The following DCP2 variants were observed in gnomAD, a reference collection of about 807,000 sequenced individuals.
The protein encoded by DCP2 is m7GpppN-mRNA hydrolase.
A neutral mutation model predicts 56.1 loss-of-function variants in DCP2; 30 were observed. The observed-to-expected ratio is 0.53, with a 90% CI of 0.40 to 0.73. The LOEUF (loss-of-function observed/expected upper bound fraction) is 0.73. Ranked by LOEUF, DCP2 falls within the 30% of genes least tolerant of loss-of-function variation. The probability of loss-of-function intolerance (pLI) is 0.00; values close to 1 mark genes in which losing one functional copy is unlikely to be tolerated. For synonymous variants in DCP2, 197 were observed against 163.3 expected, an observed-to-expected ratio of 1.21 and a Z score of -1.57; for missense variants, 533 against 502.7, an observed-to-expected ratio of 1.06 and a Z score of -0.58.
intron 8 of DCP2, among the ~76,000 whole-genome samples, chr5:113,005,145 C>CGTGTGGGT (rs1554101190): frequency 0.026 from 143 of 5,572 alleles, no homozygotes; most frequent in South Asian, 0.19. Context: ...AAAAAGTGTG[C>CGTGTGGGT]GTGTGGGTGT....
chr5:113,004,033 C>T lies in DCP2; in HGVS notation c.898C>T (p.Pro300Ser), dbSNP rs1237227755. ...VKHRQPLQQK[P>S]YNNHSEMSDL... ...GCACAGGCAACCACTGCAGCAAAAG[C>T]CATATAATAATCATTCTGAAATGTC... is the stretch of plus-strand genomic sequence containing the variant. Residue 300 changes from proline to serine, a missense_variant, in exon 8 of 11, where the codon CCA (proline) becomes TCA (serine). Coordinates refer to ENST00000389063, the MANE Select transcript of DCP2 (RefSeq NM_152624.6). 6.2e-7 allele frequency: 1 copy of T among 1,613,992 alleles called. No individual in the cohort carries two copies. The highest frequency in any genetic ancestry group is 1.7e-5 in the Admixed American group (1 of 60,024).
chr5:112,978,012 C>G (rs1053901863), intron 1 of DCP2, among the ~76,000 whole-genome samples: 1 of 151,816 alleles, frequency 6.6e-6, no homozygotes, highest in African/African-American at 2.4e-5. Context: ...GAGCCTCTTT[C>G]TTTTGCCCAG....
chr5:112,989,384 C>T (rs181943368), intron 2 of DCP2, among the ~76,000 whole-genome samples: 2 of 149,532 alleles, frequency 1.3e-5, no homozygotes, highest in African/African-American at 4.9e-5. Flanking sequence ...TTACTTGGCA[C>T]AGTGATCAAT....
chr5:112,992,350 T>C (rs1561691328), intron 3 of DCP2, 102 bp downstream of exon 3: 2 of 1,429,850 alleles, frequency 1.4e-6, no homozygotes, highest in African/African-American at 1.4e-5. Flanking sequence ...TTTTAAAATA[T>C]ACTTAGATTT....
chr5:112,997,030 C>T (rs556453735), intron 4 of DCP2, among the ~76,000 whole-genome samples: 1 of 152,324 alleles, frequency 6.6e-6, no homozygotes, highest in African/African-American at 2.4e-5. Flanking sequence ...TAGTTTTCTT[C>T]TAAAGGTTAA....
At position 113,001,473 on chromosome 5, in the gene DCP2, T is replaced by C. The variant is rs188694255; in HGVS notation, c.698+4T>C. 28 of 1,611,702 alleles carry C rather than the reference T, an allele frequency of 1.7e-5. No homozygotes were observed. Among genetic ancestry groups the C allele is most frequent in the Non-Finnish European group, 2.3e-5 (27 of 1,178,226 alleles). On this transcript the variant is annotated splice_donor_region_variant and intron_variant, in intron 6 of 10. Coordinates refer to ENST00000389063, the MANE Select transcript of DCP2 (RefSeq NM_152624.6). ...TTATGGCCATTCCCTTTATCAGGTG[T>C]GTTCATATTTCTTGAAATGTAACTT...
At chr5:112,983,334 AG>A (rs1367174476) in intron 1 of DCP2, among the ~76,000 whole-genome samples, 1 of 152,214 alleles carries the variant, frequency 6.6e-6, no homozygotes, top group Non-Finnish European at 1.5e-5. Context: ...TTAAAATTTC[AG>A]CATTTCAACA....
chr5:112,991,050 A>C (rs77752734), intron 2 of DCP2, among the ~76,000 whole-genome samples: 2 of 152,240 alleles, frequency 1.3e-5, no homozygotes, highest in East Asian at 3.9e-4. Context: ...ATTGTAATGC[A>C]TCATTTGTAG....
At chr5:112,997,941 AT>A (rs1748943647) in intron 4 of DCP2, among the ~76,000 whole-genome samples, 1 of 151,986 alleles carries the variant, frequency 6.6e-6, no homozygotes, top group South Asian at 2.1e-4. Flanking sequence ...AAAAAATTTT[AT>A]TTGTGGATTT....
At chr5:112,983,364 T>G (rs1748100159) in intron 1 of DCP2, among the ~76,000 whole-genome samples, 1 of 152,102 alleles carries the variant, frequency 6.6e-6, no homozygotes, top group Admixed American at 6.6e-5. Context: ...TGAGGAGAAC[T>G]GGGAAAAATG....
chr5:112,995,037 T>C (rs977580532), intron 4 of DCP2, among the ~76,000 whole-genome samples: 9 of 152,336 alleles, frequency 5.9e-5, no homozygotes, highest in African/African-American at 2.2e-4. Flanking sequence ...GGATAATAGT[T>C]AAAATTTTTA....
chr5:113,005,151 G>GGGGTGTGTGTGTGTGTGTGTGTGTGTGT (rs140772660), intron 8 of DCP2, among the ~76,000 whole-genome samples: 2 of 149,420 alleles, frequency 1.3e-5, no homozygotes, highest in African/African-American at 5.0e-5. Context: ...TGTGCGTGTG[G>GGGGTGTGTGTGTGTGTGTGTGTGTGTGT]GTGTGTGTGT....
chr5:112,983,847 C>T (rs542995776), intron 1 of DCP2: 10 of 152,286 alleles, frequency 6.6e-5, no homozygotes, highest in Non-Finnish European at 1.5e-4. Flanking sequence ...TTTGAAGATT[C>T]TGAAAGAAAA....
intron 4 of DCP2, among the ~76,000 whole-genome samples, chr5:112,995,835 C>T (rs1748821914): frequency 6.6e-6 from 1 of 152,284 alleles, no homozygotes; most frequent in African/African-American, 2.4e-5. Flanking sequence ...AACAAAATAT[C>T]ACAGATGGAG....
intron 1 of DCP2, among the ~76,000 whole-genome samples, chr5:112,979,893 AGTGT>A (rs887606062): frequency 6.6e-6 from 1 of 152,046 alleles, no homozygotes; most frequent in African/African-American, 2.4e-5. Flanking sequence ...CAAATTTTTA[AGTGT>A]GTGTGTGGGT....
chr5:113,010,802 A>C lies in DCP2; in HGVS notation c.1094A>C (p.Glu365Ala). The change falls in exon 10 of 11, where the codon GAA becomes GCA. Residue 365 changes from glutamate (E) to alanine (A), a missense_variant. Transcript: ENST00000389063. ...CCACGGAAACTTCAGGATAATTTTGAAACAGGCAAGTCATTTCCTATCTTT... is the reference window on the plus strand; with the variant it reads ...CCACGGAAACTTCAGGATAATTTTGCAACAGGCAAGTCATTTCCTATCTTT... ...LHPRKLQDNF[E>A]TDAVYDLPSS... 6.3e-7 allele frequency: 1 copy of C among 1,599,184 alleles called. No individual in the cohort carries two copies. Among genetic ancestry groups the C allele is most frequent in the Non-Finnish European group, 8.5e-7 (1 of 1,176,100 alleles).
Position 112,985,896 on chromosome 5 carries a change from A to G in DCP2, c.115A>G (p.Ile39Val), listed in dbSNP as rs929874682. The change falls in exon 2 of 11, where the codon ATT (isoleucine) becomes GTT (valine). Residue 39 changes from isoleucine to valine, a missense_variant. By Grantham distance (29) the Ile-to-Val change is conservative (BLOSUM62 3). Coordinates refer to ENST00000389063, the MANE Select transcript of DCP2 (RefSeq NM_152624.6). ...RDNAIRVCFQ[I>V]ELAHWFYLDF... is the part of the protein sequence containing the mutation. ...CAATGCAATCCGAGTGTGTTTTCAG[A>G]TTGAACTTGCCCATTGGTTTTACTT... 1 of 1,610,904 alleles carries G rather than the reference A, an allele frequency of 6.2e-7. No individual in the cohort carries two copies. Among genetic ancestry groups the G allele is most frequent in the African/African-American group, 1.3e-5 (1 of 74,900 alleles).
intron 8 of DCP2, among the ~76,000 whole-genome samples, chr5:113,005,196 T>C (rs914833466): frequency 1.3e-5 from 2 of 148,804 alleles, no homozygotes; most frequent in African/African-American, 2.5e-5. Flanking sequence ...AATTAAACTT[T>C]TGTGCTTCAG....
chr5:112,986,060 C>G, intron 2 of DCP2, 74 bp downstream of exon 2: 1 of 1,403,746 alleles, frequency 7.1e-7, no homozygotes, highest in Non-Finnish European at 9.5e-7. Context: ...TTTTTGCTTG[C>G]CTTTTCAGAT....
Sources: allele counts gnomAD v4.1 joint callset (sites outside exome capture counted in the v4.1 genomes callset), GRCh38; gene constraint gnomAD v4.1.1; transcripts MANE v1.5; gene names NCBI Gene and HGNC (gene_info 2026-07-23, HGNC 2026-07-21).